URI1: variants seen among roughly 807,000 people sequenced by gnomAD.
URI1 encodes the protein URI1 prefoldin like chaperone.
A neutral mutation model predicts 60.2 loss-of-function variants in URI1; 39 were observed. The observed-to-expected ratio is 0.65, with a 90% CI of 0.50 to 0.85. URI1 has a LOEUF of 0.85. Ranked by LOEUF, URI1 falls within the 40% of genes least tolerant of loss-of-function variation. URI1 has a pLI of 0.00. For missense variants in URI1, 691 were observed against 665.9 expected (o/e 1.04, Z -0.42); for synonymous variants, 251 against 236.8 (o/e 1.06, Z -0.55).
chr19:30,015,248 TTTAA>T lies in URI1; in HGVS notation c.*181_*184del. 1 of 1,415,766 alleles carries T rather than the reference TTTAA, an allele frequency of 7.1e-7. No individual in the cohort carries two copies. Among genetic ancestry groups the T allele is most frequent in the South Asian group, 1.7e-5 (1 of 60,256 alleles). 87.7% of individuals were successfully genotyped at this position (1,415,766 alleles called of 1,614,324 possible). On this transcript the variant is annotated 3_prime_UTR_variant, in exon 11 of 11. Coordinates refer to ENST00000392271, the MANE Select transcript of URI1 (RefSeq NM_003796.3). ...AAAATCAAGGTAACTGTCTGAATAC[TTTAA>T]TATCAGCTTGTTTTGTGAATTCTCT...
chr19:29,987,536 A>G (rs2055687348), intron 4 of URI1, among the ~76,000 whole-genome samples: 1 of 152,240 alleles, frequency 6.6e-6, no homozygotes, highest in Non-Finnish European at 1.5e-5. Context: ...TTAGCGAAAG[A>G]GAATGGGCAT....
chr19:29,932,735 T>G (rs2054933267), intron 1 of URI1, among the ~76,000 whole-genome samples: 1 of 150,212 alleles, frequency 6.7e-6, no homozygotes, highest in African/African-American at 2.5e-5. Context: ...CACTGCAACC[T>G]CTGCCTCCCG....
At chr19:29,971,093 A>G in intron 1 of URI1, 100 bp from the exon 2 acceptor site, 1 of 1,136,758 alleles carries the variant, frequency 8.8e-7, no homozygotes, top group Non-Finnish European at 1.3e-6. Context: ...AGATGCTATT[A>G]AATCTGTAAA....
At chr19:29,962,331 A>T (rs772866782) in intron 1 of URI1, among the ~76,000 whole-genome samples, 4 of 144,172 alleles carry the variant, frequency 2.8e-5, no homozygotes, top group Non-Finnish European at 4.5e-5. Context: ...CTTGTTTGTG[A>T]TACATTATTT....
chr19:29,993,689 T>C (rs1015760460), intron 4 of URI1, among the ~76,000 whole-genome samples: 12 of 152,028 alleles, frequency 7.9e-5, no homozygotes, highest in Admixed American at 5.9e-4. Context: ...TTTTAGTAGG[T>C]TATATATGGA....
intron 10 of URI1, 83 bp from the exon 11 acceptor site, chr19:30,014,799 TGAAAA>T (rs2056064521): frequency 7.6e-7 from 1 of 1,321,112 alleles, no homozygotes; most frequent in African/African-American, 1.5e-5. Flanking sequence ...TTACTTTTAA[TGAAAA>T]GAATTGCCAA....
chr19:29,945,815 T>G (rs1186346927), intron 1 of URI1, among the ~76,000 whole-genome samples: 1 of 152,158 alleles, frequency 6.6e-6, no homozygotes, highest in Non-Finnish European at 1.5e-5. Flanking sequence ...GTTTTAAAAG[T>G]ACACAATTTT....
At chr19:29,942,234 G>A (rs567950993), upstream of URI1, 1 of 984,718 alleles carries the variant, frequency 1.0e-6, no homozygotes, top group Non-Finnish European at 1.2e-6. Context: ...CGCGAGAGGC[G>A]GGGCGTGTGG....
intron 1 of URI1, among the ~76,000 whole-genome samples, chr19:29,926,274 TC>T (rs2054866615): frequency 2.1e-5 from 3 of 141,166 alleles, no homozygotes; most frequent in Non-Finnish European, 3.0e-5. Context: ...CTTCCTTCCT[TC>T]CTTCCTTCCT....
At chr19:29,950,008 C>T (rs2055159947) in intron 1 of URI1, among the ~76,000 whole-genome samples, 1 of 152,144 alleles carries the variant, frequency 6.6e-6, no homozygotes, top group African/African-American at 2.4e-5. Flanking sequence ...GCTTGTATAG[C>T]CGAAGGCACA....
In URI1 at chr19:30,011,298, C is replaced by T. The variant is rs1015234345; in HGVS notation, c.1178+62C>T. The T allele has an allele frequency of 2.6e-6, 4 of 1,526,514 alleles. No individual in the cohort carries two copies. The African/African-American group carries it at 5.7e-5, about 22-fold the overall frequency. The allele number at this position is 1,526,514 out of a possible 1,614,324, so 94.6% of individuals were successfully genotyped here. A position where few individuals can be genotyped will look rare whatever the true frequency, so the allele number is the denominator to read the frequency against. ...GCTTGCCTCTCTTTCTGCCACTGAA[C>T]CTTTACTGGAGAAAGTTGACTGTAA... On this transcript the variant is annotated intron_variant, in intron 9 of 10. Coordinates refer to ENST00000392271, the MANE Select transcript of URI1 (RefSeq NM_003796.3).
chr19:29,928,222 T>C lies in URI1; in HGVS notation c.63+4468T>C, dbSNP rs369279609. On this transcript the variant is annotated intron_variant, in intron 1 of 10. Coordinates refer to the URI1 transcript ENST00000360605. ...GGAGCGGTGATTTTTGCCACTGAGT[T>C]TGGCTGGTTTGCTAGCAGCAAGAAA... 2.6e-5 allele frequency among the ~76,000 whole-genome samples: 4 copies of C among 152,240 alleles called. No homozygotes were observed. The East Asian group carries it at 7.7e-4, about 29-fold the overall frequency.
intron 4 of URI1, among the ~76,000 whole-genome samples, chr19:29,989,881 A>T (rs1251191614): frequency 6.6e-6 from 1 of 151,740 alleles, no homozygotes; most frequent in Non-Finnish European, 1.5e-5. Context: ...TTCCAGAGCA[A>T]GTTTTTAATT....
At chr19:29,954,180 A>G (rs973459371) in intron 1 of URI1, among the ~76,000 whole-genome samples, 9 of 152,224 alleles carry the variant, frequency 5.9e-5, no homozygotes, top group Non-Finnish European at 1.0e-4. Flanking sequence ...GAATTACTGC[A>G]TTAATACCAC....
At chr19:30,003,984 A>T (rs1483990531) in intron 4 of URI1, among the ~76,000 whole-genome samples, 1 of 152,036 alleles carries the variant, frequency 6.6e-6, no homozygotes, top group Non-Finnish European at 1.5e-5. Flanking sequence ...ACATAGTTTT[A>T]TGCTGTTATG....
At chr19:29,999,182 C>T (rs977397668) in intron 4 of URI1, among the ~76,000 whole-genome samples, 8 of 151,826 alleles carry the variant, frequency 5.3e-5, no homozygotes, top group Non-Finnish European at 1.0e-4. Context: ...ATTCATTTTT[C>T]TTTATCACAT....
At chr19:29,938,575 T>C (rs776808179), upstream of URI1, among the ~76,000 whole-genome samples, 5 of 152,186 alleles carry the variant, frequency 3.3e-5, no homozygotes, top group Non-Finnish European at 5.9e-5. Context: ...GGGCTGGTGC[T>C]TGCCTTGGTC....
intron 1 of URI1, among the ~76,000 whole-genome samples, chr19:29,959,681 T>C (rs575898497): frequency 2.6e-5 from 4 of 152,350 alleles, no homozygotes; most frequent in African/African-American, 7.2e-5. Flanking sequence ...CTTTTTATTA[T>C]CAGTAGATTT....
Position 29,932,321 on chromosome 19 carries a change from T to G in URI1, c.63+8567T>G, listed in dbSNP as rs138037826. On this transcript the variant is annotated intron_variant, in intron 1 of 10. Coordinates refer to the URI1 transcript ENST00000360605. ...TGATGATTATGATGATGATGATGAT[T>G]ATTATTATTATTTGAGACACAGTCT... 7.9e-3 allele frequency among the ~76,000 whole-genome samples: 1,203 copies of G among 151,762 alleles called. 19 individuals are homozygous for G. The highest frequency in any genetic ancestry group is 0.028 in the African/African-American group (1,150 of 41,470).
Sources: allele counts gnomAD v4.1 joint callset (sites outside exome capture counted in the v4.1 genomes callset), GRCh38; gene constraint gnomAD v4.1.1; transcripts MANE v1.5; gene names NCBI Gene and HGNC (gene_info 2026-07-23, HGNC 2026-07-21).